TBC1D1: variants seen among roughly 807,000 people sequenced by gnomAD.
The protein encoded by TBC1D1 is TBC1 domain family member 1.
A neutral mutation model predicts 125.6 loss-of-function variants in TBC1D1; 89 were observed. The observed-to-expected ratio is 0.71, with a 90% CI of 0.60 to 0.85. TBC1D1 has a LOEUF of 0.85. Among genes scored for constraint, TBC1D1 ranks in the 40% least tolerant of loss-of-function variants. The probability of loss-of-function intolerance (pLI) is 0.00; values close to 1 mark genes in which losing one functional copy is unlikely to be tolerated. For synonymous variants in TBC1D1, 565 were observed against 564.1 expected (o/e 1.00, Z -0.02); for missense variants, 1,377 against 1,469.2 (o/e 0.94, Z 1.03).
chr4:38,025,338 C>T (rs1267003793), intron 6 of TBC1D1, among the ~76,000 whole-genome samples: 2 of 152,216 alleles, frequency 1.3e-5, no homozygotes, highest in Non-Finnish European at 2.9e-5. Flanking sequence ...TGAGGAGATG[C>T]GTTCAGTGGG....
chr4:37,904,552 G>A (rs1409992680), intron 2 of TBC1D1, among the ~76,000 whole-genome samples: 1 of 152,168 alleles, frequency 6.6e-6, no homozygotes, highest in Non-Finnish European at 1.5e-5. Context: ...ATAGGCTTCT[G>A]GCCAGTCATT....
At chr4:38,088,007 C>T (rs994652144) in intron 12 of TBC1D1, among the ~76,000 whole-genome samples, 4 of 150,476 alleles carry the variant, frequency 2.7e-5, no homozygotes, top group African/African-American at 4.9e-5. Context: ...ATCAGGACAG[C>T]GCCTGCCATG....
intron 2 of TBC1D1, among the ~76,000 whole-genome samples, chr4:38,003,852 G>A (rs1318922440): frequency 7.1e-6 from 1 of 140,900 alleles, no homozygotes; most frequent in Non-Finnish European, 1.5e-5. Flanking sequence ...CTGGGCAACA[G>A]AGCAAGACCC....
chr4:38,007,102 A>G (rs1022833306), intron 2 of TBC1D1: 3 of 268,132 alleles, frequency 1.1e-5, no homozygotes, highest in Non-Finnish European at 1.6e-5. Context: ...GAAAGAGAAG[A>G]CATTTCTTGA....
Position 38,111,323 on chromosome 4 carries a change from A to G in TBC1D1, c.2558-4387A>G, listed in dbSNP as rs78366955. Among the ~76,000 whole-genome samples, 1,231 of 152,338 alleles carry G rather than the reference A, an allele frequency of 8.1e-3. 11 individuals are homozygous for G. The highest frequency in any genetic ancestry group is 0.014 in the Non-Finnish European group (955 of 68,040). ...ACAGCCATTCCCAAACTTTGATGGA[A>G]GGATGCCATTCACTTTGAAAATTAT... On this transcript the variant is annotated intron_variant, in intron 15 of 19. Coordinates refer to ENST00000261439, the MANE Select transcript of TBC1D1 (RefSeq NM_015173.4).
At chr4:38,073,998 A>G (rs1426936149) in intron 12 of TBC1D1, among the ~76,000 whole-genome samples, 1 of 152,198 alleles carries the variant, frequency 6.6e-6, no homozygotes, top group Non-Finnish European at 1.5e-5. Flanking sequence ...CACATTGCCA[A>G]GGATCTCTCT....
chr4:38,108,603 C>A (rs1428830427), intron 15 of TBC1D1, among the ~76,000 whole-genome samples: 1 of 152,186 alleles, frequency 6.6e-6, no homozygotes, highest in Non-Finnish European at 1.5e-5. Flanking sequence ...GTTTGGCATG[C>A]CTGTGCTGCC....
chr4:38,110,144 G>C, intron 15 of TBC1D1: 1 of 951,652 alleles, frequency 1.1e-6, no homozygotes, highest in African/African-American at 1.8e-5. Flanking sequence ...ATGGTAAACA[G>C]AGCCGAGATA....
At chr4:37,965,851 A>G (rs1448423931) in intron 2 of TBC1D1, among the ~76,000 whole-genome samples, 4 of 152,084 alleles carry the variant, frequency 2.6e-5, no homozygotes, top group African/African-American at 7.2e-5. Context: ...CCCAGATTCA[A>G]GCGATTCTCC....
At chr4:38,134,817 T>C (rs890583673) in intron 19 of TBC1D1, among the ~76,000 whole-genome samples, 1 of 152,204 alleles carries the variant, frequency 6.6e-6, no homozygotes, top group Non-Finnish European at 1.5e-5. Context: ...CAGACAGTAA[T>C]TGGTGATTAC....
Position 37,957,290 on chromosome 4 carries a change from C to A in TBC1D1, c.417+54778C>A, listed in dbSNP as rs530316082. On this transcript the variant is annotated intron_variant, in intron 2 of 19. Transcript: ENST00000261439. The stretch of plus-strand genomic sequence containing the variant: ...TCACAATCATTAAAGTAATAAATAA[C>A]ACTACTTTTTAGAGACAAGGAATTT... 2.1e-4 allele frequency among the ~76,000 whole-genome samples: 32 copies of A among 152,310 alleles called. No homozygotes were observed. In the East Asian group the frequency reaches 5.6e-3, roughly 27 times the overall value.
intron 18 of TBC1D1, chr4:38,132,818 T>TTG: frequency 4.4e-6 from 1 of 227,756 alleles, no homozygotes; most frequent in Non-Finnish European, 9.1e-6. Context: ...TTTTTTTTTT[T>TTG]GGCTTTTGGA....
intron 12 of TBC1D1, chr4:38,054,831 C>G: frequency 6.4e-6 from 1 of 155,354 alleles, no homozygotes. Flanking sequence ...CTTCCGGGGT[C>G]TTGCGTTCCT....
chr4:38,013,834 T>G (rs1742037154), intron 2 of TBC1D1, among the ~76,000 whole-genome samples: 1 of 152,188 alleles, frequency 6.6e-6, no homozygotes, highest in African/African-American at 2.4e-5. Context: ...CTGTTTGCTG[T>G]GATAATATTA....
chr4:38,049,483 G>A, intron 10 of TBC1D1, 135 bp from the exon 11 acceptor site: 1 of 1,019,102 alleles, frequency 9.8e-7, no homozygotes, highest in Admixed American at 2.6e-5. Flanking sequence ...TCTGCTTTTG[G>A]TGGTGGCTTC....
intron 6 of TBC1D1, among the ~76,000 whole-genome samples, chr4:38,026,186 T>G (rs927734978): frequency 2.0e-5 from 3 of 152,214 alleles, no homozygotes; most frequent in Non-Finnish European, 2.9e-5. Flanking sequence ...ATATTATTTC[T>G]GTGGTGGCTT....
intron 7 of TBC1D1, among the ~76,000 whole-genome samples, chr4:38,030,755 C>T (rs146486520): frequency 4.6e-5 from 7 of 152,194 alleles, no homozygotes; most frequent in African/African-American, 1.2e-4. Flanking sequence ...GAATTTGTTT[C>T]GGAAAAAGTC....
Position 37,896,047 on chromosome 4 carries a change from G to A in TBC1D1, c.-94+4699G>A, listed in dbSNP as rs78136449. On this transcript the variant is annotated intron_variant, in intron 1 of 19. Coordinates refer to ENST00000261439, the MANE Select transcript of TBC1D1 (RefSeq NM_015173.4). Reference sequence around the variant, plus strand: ...CAGGTGCATGCTCACTCCATCTGGCGTAAAGAACAGAGAAATTAAACCATT... The same window carrying A: ...CAGGTGCATGCTCACTCCATCTGGCATAAAGAACAGAGAAATTAAACCATT... Among the ~76,000 whole-genome samples the A allele has an allele frequency of 2.3e-3, 356 of 152,282 alleles. 2 individuals carry two copies. The highest frequency in any genetic ancestry group is 7.6e-3 in the African/African-American group (314 of 41,552).
chr4:38,072,611 A>T (rs940762935), intron 12 of TBC1D1, among the ~76,000 whole-genome samples: 23 of 152,304 alleles, frequency 1.5e-4, no homozygotes, highest in South Asian at 4.1e-4. Flanking sequence ...TTTAAAAAAA[A>T]TTTTTTATTG....
Sources: allele counts gnomAD v4.1 joint callset (sites outside exome capture counted in the v4.1 genomes callset), GRCh38; gene constraint gnomAD v4.1.1; transcripts MANE v1.5; gene names NCBI Gene and HGNC (gene_info 2026-07-23, HGNC 2026-07-21).